Variants in NR2F1-AS1 observed in about 807,000 individuals in gnomAD.
NR2F1-AS1 encodes NR2F1 antisense RNA 1.
intron 4 of NR2F1-AS1, among the ~76,000 whole-genome samples, chr5:93,448,526 A>G (rs1162477803): frequency 6.6e-6 from 1 of 152,214 alleles, no homozygotes; most frequent in African/African-American, 2.4e-5. Context: ...GGGATGCAAA[A>G]CAATATGCAA....
chr5:93,414,863 T>C (rs1220400221), intron 4 of NR2F1-AS1, among the ~76,000 whole-genome samples: 5 of 152,186 alleles, frequency 3.3e-5, no homozygotes, highest in Admixed American at 6.6e-5. Flanking sequence ...GTAAGAACAT[T>C]AGGCCCCAGC....
At chr5:93,570,499 C>T (rs998083474) in intron 1 of NR2F1-AS1, 20 of 152,304 alleles carry the variant, frequency 1.3e-4, no homozygotes, top group African/African-American at 4.8e-4. Flanking sequence ...CCCACTCACA[C>T]TCCCTGGGGA....
chr5:93,519,799 T>G (rs1751467291), intron 4 of NR2F1-AS1, among the ~76,000 whole-genome samples: 1 of 152,016 alleles, frequency 6.6e-6, no homozygotes, highest in African/African-American at 2.4e-5. Context: ...CTACACATTT[T>G]CAACATAACA....
intron 4 of NR2F1-AS1, among the ~76,000 whole-genome samples, chr5:93,508,352 G>C (rs1751229583): frequency 6.6e-6 from 1 of 152,028 alleles, no homozygotes; most frequent in Non-Finnish European, 1.5e-5. Flanking sequence ...CGCTATATTA[G>C]AAAGTTGGCA....
chr5:93,429,507 A>G (rs985456284), intron 4 of NR2F1-AS1, among the ~76,000 whole-genome samples: 2 of 152,198 alleles, frequency 1.3e-5, no homozygotes, highest in Non-Finnish European at 2.9e-5. Context: ...TTGAAAGGAA[A>G]TTTCAAGGGA....
rs151327493 is a variant in NR2F1-AS1 at position 93,460,932 on chromosome 5, T to A, written n.639-65390A>T. Among the ~76,000 whole-genome samples the A allele has an allele frequency of 3.1e-3, 475 of 152,308 alleles. 1 individual carries two copies. Among genetic ancestry groups the A allele is most frequent in the African/African-American group, 0.011 (453 of 41,554 alleles). On this transcript the variant is annotated intron_variant and non_coding_transcript_variant, in intron 4 of 5. Coordinates refer to ENST00000660523, the Ensembl canonical transcript of NR2F1-AS1. ...CTGTGGAAGACAGTGTGGCAATACC[T>A]CAAAGACCTAGAGGCAGAACTACCA... is the stretch of plus-strand genomic sequence containing the variant.
chr5:93,444,761 C>T (rs1239495870), intron 4 of NR2F1-AS1, among the ~76,000 whole-genome samples: 1 of 152,170 alleles, frequency 6.6e-6, no homozygotes, highest in East Asian at 1.9e-4. Flanking sequence ...TTCTCAGCAC[C>T]ACATCGCACT....
intron 4 of NR2F1-AS1, among the ~76,000 whole-genome samples, chr5:93,492,245 A>T (rs559104418): frequency 5.9e-5 from 9 of 152,326 alleles, no homozygotes; most frequent in African/African-American, 1.9e-4. Context: ...AAACTGATTT[A>T]AGAAGTAAAA....
intron 4 of NR2F1-AS1, among the ~76,000 whole-genome samples, chr5:93,546,410 T>C (rs1304931462): frequency 2.0e-5 from 3 of 152,154 alleles, no homozygotes; most frequent in Non-Finnish European, 4.4e-5. Flanking sequence ...GTTGACTATT[T>C]TATACATTGC....
chr5:93,477,314 T>C (rs1034179965), intron 4 of NR2F1-AS1, among the ~76,000 whole-genome samples: 3 of 152,116 alleles, frequency 2.0e-5, no homozygotes, highest in Admixed American at 6.5e-5. Context: ...TAACATCACA[T>C]GGAGAACAAT....
At chr5:93,523,038 G>A (rs1751536038) in intron 4 of NR2F1-AS1, among the ~76,000 whole-genome samples, 1 of 152,076 alleles carries the variant, frequency 6.6e-6, no homozygotes, top group Admixed American at 6.5e-5. Context: ...AAGCCAGGCA[G>A]CCAAGTGGTC....
chr5:93,489,797 C>T (rs1056061853), intron 4 of NR2F1-AS1, among the ~76,000 whole-genome samples: 1 of 152,120 alleles, frequency 6.6e-6, no homozygotes, highest in African/African-American at 2.4e-5. Context: ...GCAGTTTAAC[C>T]GCGGTAAGAG....
intron 4 of NR2F1-AS1, among the ~76,000 whole-genome samples, chr5:93,484,438 G>C (rs1013145590): frequency 6.6e-6 from 1 of 152,048 alleles, no homozygotes; most frequent in Non-Finnish European, 1.5e-5. Context: ...CCTTACAAGA[G>C]CTCCTGAAGG....
intron 4 of NR2F1-AS1, among the ~76,000 whole-genome samples, chr5:93,511,122 T>G (rs1751286300): frequency 6.6e-6 from 1 of 152,186 alleles, no homozygotes; most frequent in Non-Finnish European, 1.5e-5. Flanking sequence ...GATTAAACAT[T>G]GCTTCTGAGT....
At chr5:93,517,373 C>T (rs1212778667) in intron 4 of NR2F1-AS1, among the ~76,000 whole-genome samples, 1 of 151,920 alleles carries the variant, frequency 6.6e-6, no homozygotes, top group African/African-American at 2.4e-5. Context: ...AGAAAAGCAC[C>T]AAGTAAGAAA....
At chr5:93,544,247 T>C (rs1162071919) in intron 4 of NR2F1-AS1, among the ~76,000 whole-genome samples, 2 of 152,174 alleles carry the variant, frequency 1.3e-5, no homozygotes, top group Non-Finnish European at 2.9e-5. Flanking sequence ...AAGTGAAAAC[T>C]AATTTTCACA....
At chr5:93,453,372 G>C (rs1335403505) in intron 4 of NR2F1-AS1, among the ~76,000 whole-genome samples, 1 of 151,072 alleles carries the variant, frequency 6.6e-6, no homozygotes, top group Non-Finnish European at 1.5e-5. Flanking sequence ...AAAGGACAAA[G>C]AAAAAAATAT....
At chr5:93,480,958 A>G (rs956426261) in intron 4 of NR2F1-AS1, among the ~76,000 whole-genome samples, 2 of 152,124 alleles carry the variant, frequency 1.3e-5, no homozygotes, top group African/African-American at 2.4e-5. Flanking sequence ...GAAATTGAGA[A>G]ACAAAAAAGA....
chr5:93,516,206 AAGT>A (rs1338534838), intron 4 of NR2F1-AS1, among the ~76,000 whole-genome samples: 2 of 151,902 alleles, frequency 1.3e-5, no homozygotes, highest in African/African-American at 4.8e-5. Flanking sequence ...TTTTCAAAGG[AAGT>A]AAACAAGGTC....
Sources: allele counts gnomAD v4.1 joint callset (sites outside exome capture counted in the v4.1 genomes callset), GRCh38; gene constraint gnomAD v4.1.1; transcripts MANE v1.5; gene names NCBI Gene and HGNC (gene_info 2026-07-23, HGNC 2026-07-21).